Variants in VAX2 observed in about 807,000 individuals in gnomAD.
VAX2 encodes ventral anterior homeobox 2.
In VAX2, 8 loss-of-function variants were observed where a neutral mutation model predicts 12.5. The observed-to-expected ratio is 0.64, with a 90% CI of 0.37 to 1.15. The LOEUF is 1.15. Among genes scored for constraint, VAX2 ranks in the 50% most tolerant of loss-of-function variants. VAX2 has a pLI of 0.01. For missense variants in VAX2, 476 were observed against 412.9 expected (o/e 1.15, Z -1.32); for synonymous variants, 183 against 187.6 (o/e 0.98, Z 0.20).
intron 1 of VAX2, among the ~76,000 whole-genome samples, chr2:70,909,618 A>G (rs1164302296): frequency 8.5e-5 from 13 of 152,140 alleles, no homozygotes; most frequent in African/African-American, 3.1e-4. Flanking sequence ...TATGTAAGTT[A>G]TATATTACAA....
chr2:70,907,887 C>CA, intron 1 of VAX2, among the ~76,000 whole-genome samples: 1 of 152,298 alleles, frequency 6.6e-6, no homozygotes, highest in South Asian at 2.1e-4. Flanking sequence ...TTTACCATTT[C>CA]AAAAAAATTT....
At chr2:70,906,430 T>C (rs1210384849) in intron 1 of VAX2, among the ~76,000 whole-genome samples, 1 of 151,886 alleles carries the variant, frequency 6.6e-6, no homozygotes, top group Non-Finnish European at 1.5e-5. Context: ...TGGCGGAGGC[T>C]TGGGCTTGTA....
Position 70,933,032 on chromosome 2 carries a change from C to A in VAX2, c.701C>A (p.Ser234Ter). ...TCCCCACGCCTCAACCCGCTGTCCT[C>A]GGCCTCAGCGTCCCCCCCACTGCCG... ...NSSPRLNPLS[S>*]ASASPPLPPP... The change falls in exon 3 of 3, where the codon TCG becomes TAG. Residue 234 changes from serine (S) to a stop codon, truncating the protein, a stop_gained. Coordinates refer to ENST00000234392, the MANE Select transcript of VAX2 (RefSeq NM_012476.3). LOFTEE classifies it low-confidence loss of function (END_TRUNC). 1.1e-5 allele frequency: 17 copies of A among 1,598,332 alleles called. No homozygotes were observed. The highest frequency in any genetic ancestry group is 1.5e-5 in the Non-Finnish European group (17 of 1,172,028).
intron 1 of VAX2, among the ~76,000 whole-genome samples, chr2:70,909,699 G>T (rs1679142228): frequency 6.6e-6 from 1 of 152,064 alleles, no homozygotes; most frequent in South Asian, 2.1e-4. Context: ...TAGAGTAAAA[G>T]AATATTTGTG....
intron 1 of VAX2, among the ~76,000 whole-genome samples, chr2:70,913,215 C>A (rs1679228923): frequency 6.6e-6 from 1 of 152,198 alleles, no homozygotes; most frequent in Non-Finnish European, 1.5e-5. Context: ...CTTCTTCACT[C>A]CTGCTTCCAA....
intron 2 of VAX2, among the ~76,000 whole-genome samples, chr2:70,930,571 C>T: frequency 6.6e-6 from 1 of 152,312 alleles, no homozygotes; most frequent in African/African-American, 2.4e-5. Context: ...AAAGACTGGA[C>T]ATCTTCTGGT....
chr2:70,919,888 A>T (rs1289889442), intron 1 of VAX2, among the ~76,000 whole-genome samples: 2 of 152,220 alleles, frequency 1.3e-5, no homozygotes, highest in African/African-American at 2.4e-5. Context: ...AATTTAATTA[A>T]GTGCTTAGAA....
intron 1 of VAX2, among the ~76,000 whole-genome samples, chr2:70,918,630 C>T (rs868965382): frequency 1.4e-4 from 22 of 152,178 alleles, no homozygotes; most frequent in South Asian, 2.1e-4. Flanking sequence ...GGCACAGTGG[C>T]TCACGCCTGT....
At chr2:70,926,261 C>T (rs1679569062) in intron 2 of VAX2, among the ~76,000 whole-genome samples, 1 of 152,174 alleles carries the variant, frequency 6.6e-6, no homozygotes, top group Admixed American at 6.5e-5. Context: ...CTGTCCCGGC[C>T]TTGCCCAGAC....
intron 1 of VAX2, among the ~76,000 whole-genome samples, chr2:70,908,235 G>T (rs1553410814): frequency 1.3e-5 from 2 of 152,120 alleles, no homozygotes; most frequent in African/African-American, 4.8e-5. Context: ...GAGATGGGAG[G>T]TCTCACTATT....
chr2:70,906,167 C>A (rs1231875516), intron 1 of VAX2, among the ~76,000 whole-genome samples: 1 of 152,248 alleles, frequency 6.6e-6, no homozygotes, highest in East Asian at 1.9e-4. Context: ...ATGGGCCTGC[C>A]CACCAATCCC....
At chr2:70,929,855 T>C (rs1572899627) in intron 2 of VAX2, among the ~76,000 whole-genome samples, 1 of 152,314 alleles carries the variant, frequency 6.6e-6, no homozygotes, top group African/African-American at 2.4e-5. Context: ...GACAGGCTTG[T>C]TTGTGTTTGT....
At chr2:70,907,270 G>A (rs1327317964) in intron 1 of VAX2, among the ~76,000 whole-genome samples, 1 of 152,230 alleles carries the variant, frequency 6.6e-6, no homozygotes, top group African/African-American at 2.4e-5. Context: ...TATATGTGGC[G>A]GCTTAGAGGC....
chr2:70,918,541 T>C (rs1418872281), intron 1 of VAX2, among the ~76,000 whole-genome samples: 2 of 152,200 alleles, frequency 1.3e-5, no homozygotes, highest in Admixed American at 6.5e-5. Flanking sequence ...ATCCAGAAGA[T>C]TCCATCTTTT....
chr2:70,925,745 G>T (rs1271166523), intron 2 of VAX2, among the ~76,000 whole-genome samples: 3 of 152,118 alleles, frequency 2.0e-5, no homozygotes, highest in Non-Finnish European at 4.4e-5. Flanking sequence ...AGGAACCATG[G>T]TGTAGCCAGG....
At chr2:70,905,950 T>G (rs1400255727) in intron 1 of VAX2, among the ~76,000 whole-genome samples, 6 of 152,218 alleles carry the variant, frequency 3.9e-5, no homozygotes, top group African/African-American at 1.4e-4. Context: ...CAGGCTCCCT[T>G]CTTGTTGGCT....
chr2:70,932,896 G>T lies in VAX2; in HGVS notation c.565G>T (p.Gly189Cys). Residue 189 changes from glycine to cysteine, a missense_variant, in exon 3 of 3, where the codon GGC becomes TGC. Transcript: ENST00000234392. Reference sequence around the variant, plus strand: ...CAACATTCTGCGGCTGCTGGAGCAGGGCCGGCTGCTCTCTGTGCCCAGGGC... The same window carrying T: ...CAACATTCTGCGGCTGCTGGAGCAGTGCCGGCTGCTCTCTGTGCCCAGGGC... Reference protein sequence around the residue: ...TSNILRLLEQGRLLSVPRAPS... With the variant: ...TSNILRLLEQCRLLSVPRAPS... 1.2e-6 allele frequency: 2 copies of T among 1,613,336 alleles called. No individual in the cohort carries two copies. The highest frequency in any genetic ancestry group is 1.7e-6 in the Non-Finnish European group (2 of 1,179,944).
At chr2:70,913,504 C>T (rs1553411486) in intron 1 of VAX2, among the ~76,000 whole-genome samples, 2 of 152,028 alleles carry the variant, frequency 1.3e-5, no homozygotes, top group South Asian at 2.1e-4. Flanking sequence ...TGGTGAAACC[C>T]TGCCTCTACT....
chr2:70,916,980 A>G (rs1390213784), intron 1 of VAX2, among the ~76,000 whole-genome samples: 1 of 151,948 alleles, frequency 6.6e-6, no homozygotes, highest in Non-Finnish European at 1.5e-5. Flanking sequence ...GTAAAACCCC[A>G]TCTCTACTAA....
Sources: gnomAD v4.1 joint callset for allele counts (sites outside exome capture counted in the v4.1 genomes callset) on GRCh38, gnomAD v4.1.1 for gene constraint, MANE v1.5 for transcripts, NCBI Gene and HGNC (gene_info 2026-07-23, HGNC 2026-07-21) for gene names.